The following HDAC6 variants were observed in gnomAD, a reference collection of about 807,000 sequenced individuals.
The protein encoded by HDAC6 is protein deacetylase HDAC6.
Under a neutral mutation model 88.9 loss-of-function variants are expected in HDAC6, and 5 were observed. The observed-to-expected ratio is 0.06, with a 90% confidence interval of 0.03 to 0.12. HDAC6 has a LOEUF of 0.12. HDAC6 is among the 10% of genes least tolerant of loss of function. The probability of loss-of-function intolerance (pLI) is 1.00; values close to 1 mark genes in which losing one functional copy is unlikely to be tolerated. For missense variants in HDAC6, 706 were observed against 1,014.4 expected, an observed-to-expected ratio of 0.70 and a Z score of 4.13; for synonymous variants, 378 against 398.0, an observed-to-expected ratio of 0.95 and a Z score of 0.60.
rs1165241913 is a variant in HDAC6, at chrX:48,816,559, C to T, written c.1717C>T (p.Pro573Ser). The T allele has an allele frequency of 5.8e-6, 7 of 1,208,919 alleles. No individual in the cohort carries two copies. The Admixed American group carries it at 6.6e-5, about 11-fold the overall frequency. Reference sequence around the variant, plus strand: ...CAACTTTGACTCCATCTATATCTGCCCCAGTACCTTCGCCTGTGCACAGCT... The same window carrying T: ...CAACTTTGACTCCATCTATATCTGCTCCAGTACCTTCGCCTGTGCACAGCT... ...SSNFDSIYICPSTFACAQLAT... is the reference protein window; with the variant it reads ...SSNFDSIYICSSTFACAQLAT... Residue 573 changes from proline to serine, a missense_variant, in exon 19 of 29, where the codon CCC becomes TCC. Pro to Ser is a moderately conservative substitution (Grantham distance 74, BLOSUM62 -1). Around this residue, in one of 9 missense-constraint regions of HDAC6, gnomAD observed 138 missense variants for 303.5 expected, o/e 0.45. Coordinates refer to ENST00000334136, the MANE Select transcript of HDAC6 (RefSeq NM_006044.4).
At chrX:48,822,524 G>A in intron 23 of HDAC6, 96 bp from the exon 24 acceptor site, 3 of 681,571 alleles carry the variant, frequency 4.4e-6, no homozygotes, top group South Asian at 6.6e-5. Context: ...GACTTGCAGG[G>A]CTCAGTAGGG....
At position 48,824,889 on chromosome X, in the gene HDAC6, A is replaced by T; in HGVS notation, c.*277A>T. The stretch of plus-strand genomic sequence containing the variant: ...GCTCAGTGGCCCCAAGAGGGAGCTG[A>T]TATCATGAGGATAACATTGGCGGGA... On this transcript the variant is annotated 3_prime_UTR_variant, in exon 29 of 29. Transcript: ENST00000334136. 2 of 1,110,428 alleles carry T rather than the reference A, an allele frequency of 1.8e-6. No homozygotes were observed. Among genetic ancestry groups the T allele is most frequent in the Non-Finnish European group, 2.4e-6 (2 of 844,450 alleles). The allele number at this position is 1,110,428 out of a possible 1,213,427, so 91.5% of individuals were successfully genotyped here.
intron 28 of HDAC6, 46 bp from the exon 29 acceptor site, chrX:48,824,498 G>A (rs1557031761): frequency 3.5e-6 from 4 of 1,132,841 alleles, no homozygotes; most frequent in Admixed American, 2.2e-5. Flanking sequence ...CGAGGTAGAG[G>A]GGTCCTCACT....
intron 10 of HDAC6, chrX:48,810,979 T>A (rs1304840632): frequency 8.1e-5 from 9 of 111,699 alleles, no homozygotes; most frequent in Non-Finnish European, 1.7e-4. Flanking sequence ...CTATGTCCTC[T>A]CATACCTGAT....
At chrX:48,816,729 GCCTGAGGAAA>G in intron 19 of HDAC6, 96 bp downstream of exon 19, 1 of 810,210 alleles carries the variant, frequency 1.2e-6, no homozygotes, top group Non-Finnish European at 1.7e-6. Context: ...GTCAAGCAGG[GCCTGAGGAAA>G]GGGGCCATGG....
At chrX:48,801,905 G>A, upstream of HDAC6, 2 of 972,540 alleles carry the variant, frequency 2.1e-6, no homozygotes, top group Non-Finnish European at 2.6e-6. Flanking sequence ...CGAGCCAAGG[G>A]CGGAGTTTGA....
intron 23 of HDAC6, among the ~76,000 whole-genome samples, chrX:48,820,968 G>A (rs781941748): frequency 1.8e-5 from 2 of 110,635 alleles, no homozygotes; most frequent in Admixed American, 9.7e-5. Context: ...CTCCTGAGTC[G>A]CTGGGATTAC....
chrX:48,816,381 T>C, intron 18 of HDAC6, 84 bp from the exon 19 acceptor site: 2 of 1,122,800 alleles, frequency 1.8e-6, no homozygotes, highest in Non-Finnish European at 2.4e-6. Flanking sequence ...TGAGAGGGGC[T>C]GAAGTCCCTG....
intron 8 of HDAC6, among the ~76,000 whole-genome samples, chrX:48,807,544 C>T (rs892199680): frequency 2.7e-5 from 3 of 112,157 alleles, no homozygotes; most frequent in Non-Finnish European, 5.6e-5. Context: ...GACGGAGTCT[C>T]GCTCTGTCAC....
intron 18 of HDAC6, 22 bp downstream of exon 18, chrX:48,816,291 T>A (rs781889204): frequency 8.3e-7 from 1 of 1,198,060 alleles, no homozygotes; most frequent in Non-Finnish European, 1.1e-6. Flanking sequence ...GTGCCTGGGG[T>A]GGGTGGATTC....
At position 48,802,981 on chromosome X, in the gene HDAC6, C is replaced by T; in HGVS notation, c.204C>T (p.Ile68=). 8.3e-7 allele frequency: 1 copy of T among 1,210,723 alleles called. No homozygotes were observed. The highest frequency in any genetic ancestry group is 1.8e-5 in the South Asian group (1 of 56,754). Residue 68 remains isoleucine (I), a synonymous_variant, in exon 3 of 29, where the codon ATC becomes ATT. Transcript: ENST00000334136. The part of the protein sequence containing the change: ...KLGQAMEEDL[I]VGLQGMDLNL... ...GCCAAGCAATGGAAGAAGACCTAAT[C>T]GTGGGACTGCAAGGGATGGTGAGCA...
intron 9 of HDAC6, 25 bp downstream of exon 9, chrX:48,808,162 T>TG: frequency 8.6e-7 from 1 of 1,157,559 alleles, no homozygotes; most frequent in Non-Finnish European, 1.2e-6. Flanking sequence ...GCAGATGTGA[T>TG]GGGGGTGGCA....
In HDAC6 at chrX:48,803,222, G is replaced by T; in HGVS notation, c.311+6G>T. On this transcript the variant is annotated splice_donor_region_variant and intron_variant, in intron 4 of 28. Coordinates refer to ENST00000334136, the MANE Select transcript of HDAC6 (RefSeq NM_006044.4). ...CATTGCCTCTGGGATGACAGGTGAG[G>T]CTGGGTCCTCCAGGCTGTCTCCAAA... 8.4e-7 allele frequency: 1 copy of T among 1,185,949 alleles called. No individual in the cohort carries two copies. Among genetic ancestry groups the T allele is most frequent in the East Asian group, 3.0e-5 (1 of 33,747 alleles).
chrX:48,805,898 A>G (rs2062809713), intron 6 of HDAC6: 1 of 434,776 alleles, frequency 2.3e-6, no homozygotes, highest in African/African-American at 2.5e-5. Context: ...CTGATATATA[A>G]TCAGCCCATG....
rs373431660 is a variant in HDAC6 at position 48,814,539 on chromosome X, A to G, written c.906A>G (p.Gly302=). ...WSTTGFGQGQ[G]YTINVPWNQV... is the part of the protein sequence containing the mutation. ...CCACAGGTTTCGGCCAAGGCCAAGG[A>G]TATACCATCAATGTGCCTTGGAACC... Residue 302 remains glycine, a synonymous_variant, in exon 11 of 29, where the codon GGA becomes GGG. Transcript: ENST00000334136. 2.5e-6 allele frequency: 3 copies of G among 1,212,226 alleles called. No homozygotes were observed. Among genetic ancestry groups the G allele is most frequent in the Non-Finnish European group, 2.2e-6 (2 of 895,551 alleles).
intron 8 of HDAC6, among the ~76,000 whole-genome samples, chrX:48,807,180 T>C (rs2062831740): frequency 8.9e-6 from 1 of 112,261 alleles, no homozygotes. Flanking sequence ...TAACATGACA[T>C]ACTCCCTTCG....
At chrX:48,808,213 A>C in intron 9 of HDAC6, 45 bp from the exon 10 acceptor site, 1 of 1,167,752 alleles carries the variant, frequency 8.6e-7, no homozygotes, top group Non-Finnish European at 1.2e-6. Flanking sequence ...CCCCAGATTC[A>C]CCTTGATCTC....
Position 48,818,275 on chromosome X carries a change from G to T in HDAC6, c.2050G>T (p.Asp684Tyr). The change falls in exon 22 of 29, where the codon GAT becomes TAT. Residue 684 changes from aspartate (D) to tyrosine (Y), a missense_variant. This residue lies in a region of HDAC6 where 138 missense variants were observed against 303.5 expected (regional missense o/e 0.45). Transcript: ENST00000334136. Reference sequence around the variant, plus strand: ...TCATGGCACCTTCTTCCCCATGGGGGATGAGGGTGCCAGCAGCCAGATCGG... The same window carrying T: ...TCATGGCACCTTCTTCCCCATGGGGTATGAGGGTGCCAGCAGCCAGATCGG... ...YDHGTFFPMG[D>Y]EGASSQIGRA... 1 of 1,200,843 alleles carries T rather than the reference G, an allele frequency of 8.3e-7. No homozygotes were observed. Among genetic ancestry groups the T allele is most frequent in the Non-Finnish European group, 1.1e-6 (1 of 889,710 alleles).
chrX:48,814,184 G>T, intron 10 of HDAC6: 1 of 365,918 alleles, frequency 2.7e-6, no homozygotes, highest in Non-Finnish European at 4.8e-6. Context: ...ATGAATGAGC[G>T]AGTGAGGTAA....
Sources: gnomAD v4.1 joint callset for allele counts (sites outside exome capture counted in the v4.1 genomes callset) on GRCh38, gnomAD v4.1.1 for gene constraint, gnomAD v4.1.1 regional missense constraint, MANE v1.5 for transcripts, NCBI Gene and HGNC (gene_info 2026-07-23, HGNC 2026-07-21) for gene names.